The following ANO10 variants were observed in gnomAD, a reference collection of about 807,000 sequenced individuals.
ANO10 encodes anoctamin-10.
Under a neutral mutation model 74.7 loss-of-function variants are expected in ANO10, and 77 were observed. That is an observed-to-expected ratio of 1.03 (90% CI 0.86 to 1.25). ANO10 has a LOEUF of 1.25. ANO10 is among the 50% of genes most tolerant of loss of function. ANO10 has a pLI of 0.00. For missense variants in ANO10, 721 were observed against 778.1 expected, an observed-to-expected ratio of 0.93 and a Z score of 0.87; for synonymous variants, 279 against 284.9, an observed-to-expected ratio of 0.98 and a Z score of 0.21.
chr3:43,514,571 G>C (rs1388948439), intron 11 of ANO10, among the ~76,000 whole-genome samples: 2 of 152,022 alleles, frequency 1.3e-5, no homozygotes, highest in East Asian at 1.9e-4. Flanking sequence ...AGAAAAAGTA[G>C]ACAAAAAAAG....
intron 11 of ANO10, among the ~76,000 whole-genome samples, chr3:43,467,076 C>T (rs1189640276): frequency 1.3e-5 from 2 of 152,070 alleles, no homozygotes; most frequent in Non-Finnish European, 2.9e-5. Flanking sequence ...GCTAAAAAAA[C>T]TAAAAACTGA....
chr3:43,663,905 T>A (rs569429354), intron 1 of ANO10, among the ~76,000 whole-genome samples: 58 of 152,106 alleles, frequency 3.8e-4, no homozygotes, highest in Non-Finnish European at 6.2e-4. Flanking sequence ...TGGAAAAACA[T>A]CCCATGCTCA....
At chr3:43,690,613 A>T (rs1221014059) in intron 1 of ANO10, 1 of 228,282 alleles carries the variant, frequency 4.4e-6, no homozygotes, top group Non-Finnish European at 8.5e-6. Context: ...GACCGGACGC[A>T]CCTCCGTCCC....
intron 12 of ANO10, among the ~76,000 whole-genome samples, chr3:43,380,324 C>T (rs1459170722): frequency 6.6e-6 from 1 of 152,142 alleles, no homozygotes; most frequent in Non-Finnish European, 1.5e-5. Context: ...ATACAAGAAG[C>T]TCAAAGAACA....
In ANO10 at chr3:43,689,917, AC is replaced by A. The variant is rs2084330599; in HGVS notation, c.-12+1599del. Among the ~76,000 whole-genome samples the A allele has an allele frequency of 2.6e-5, 4 of 152,198 alleles. 1 individual carries two copies. The South Asian group carries it at 8.3e-4, about 31-fold the overall frequency. On this transcript the variant is annotated intron_variant, in intron 1 of 3. Coordinates refer to the ANO10 transcript ENST00000413397. Reference sequence around the variant, plus strand: ...TGAGCCCATAGTAGACACACACCAAACATAAATGGATGAGTAGTAGTGGGTG... The same window carrying A: ...TGAGCCCATAGTAGACACACACCAAAATAAATGGATGAGTAGTAGTGGGTG...
intron 11 of ANO10, among the ~76,000 whole-genome samples, chr3:43,536,212 A>G (rs1305621352): frequency 6.6e-6 from 1 of 152,232 alleles, no homozygotes; most frequent in Non-Finnish European, 1.5e-5. Flanking sequence ...ATTTCTTTAA[A>G]AAGTACCAAA....
At chr3:43,480,263 G>A (rs147233927) in intron 11 of ANO10, among the ~76,000 whole-genome samples, 1 of 152,134 alleles carries the variant, frequency 6.6e-6, no homozygotes, top group African/African-American at 2.4e-5. Flanking sequence ...CAGAGGGCCA[G>A]AAATAAAGAT....
At chr3:43,469,199 T>C (rs187999266) in intron 11 of ANO10, among the ~76,000 whole-genome samples, 16 of 151,480 alleles carry the variant, frequency 1.1e-4, no homozygotes, top group Admixed American at 3.3e-4. Flanking sequence ...CACACAACCA[T>C]GCCCGGCTAA....
intron 11 of ANO10, among the ~76,000 whole-genome samples, chr3:43,509,153 A>C (rs1163047633): frequency 6.7e-6 from 1 of 149,042 alleles, no homozygotes; most frequent in African/African-American, 2.5e-5. Context: ...TCAGTCATAC[A>C]TGGGAATTGA....
intron 12 of ANO10, among the ~76,000 whole-genome samples, chr3:43,405,056 A>G (rs986638376): frequency 1.7e-4 from 26 of 152,344 alleles, no homozygotes; most frequent in African/African-American, 5.5e-4. Flanking sequence ...TTTGAAGTAA[A>G]CACAAATTTA....
At chr3:43,601,269 G>A (rs559613771) in intron 2 of ANO10, among the ~76,000 whole-genome samples, 45 of 152,232 alleles carry the variant, frequency 3.0e-4, no homozygotes, top group Middle Eastern at 3.4e-3. Flanking sequence ...ACGGTGGCAC[G>A]ATCTTGGCTC....
At chr3:43,453,254 CT>C (rs1225710757) in intron 11 of ANO10, among the ~76,000 whole-genome samples, 2 of 149,228 alleles carry the variant, frequency 1.3e-5, no homozygotes, top group African/African-American at 4.9e-5. Flanking sequence ...TCTTGGCTCA[CT>C]TGCAAGCTCC....
chr3:43,452,447 G>A (rs1159581728), intron 11 of ANO10, among the ~76,000 whole-genome samples: 1 of 152,142 alleles, frequency 6.6e-6, no homozygotes, highest in Non-Finnish European at 1.5e-5. Flanking sequence ...CCTTTGTGAT[G>A]GGCTTCCTTC....
chr3:43,568,018 G>A (rs1172065528), intron 7 of ANO10, among the ~76,000 whole-genome samples: 3 of 151,542 alleles, frequency 2.0e-5, no homozygotes, highest in Non-Finnish European at 3.0e-5. Flanking sequence ...AACAAAAAAA[G>A]GCAGGGGTTG....
At chr3:43,580,589 T>C (rs938528412) in intron 4 of ANO10, 117 bp from the exon 5 acceptor site, 1 of 1,209,632 alleles carries the variant, frequency 8.3e-7, no homozygotes, top group Non-Finnish European at 1.2e-6. Context: ...GTCAATGTCA[T>C]ACTGCCTACT....
chr3:43,612,523 A>G (rs1353746939), intron 1 of ANO10, among the ~76,000 whole-genome samples: 1 of 152,104 alleles, frequency 6.6e-6, no homozygotes, highest in Non-Finnish European at 1.5e-5. Flanking sequence ...TCAGTCACTT[A>G]AGGCTTAAAG....
intron 1 of ANO10, among the ~76,000 whole-genome samples, chr3:43,620,726 C>T (rs1414360317): frequency 6.6e-6 from 1 of 152,168 alleles, no homozygotes; most frequent in East Asian, 1.9e-4. Flanking sequence ...CATTGTGCCA[C>T]TGCACTCCAG....
At chr3:43,578,681 T>TG (rs2081122877) in intron 5 of ANO10, among the ~76,000 whole-genome samples, 2 of 133,196 alleles carry the variant, frequency 1.5e-5, no homozygotes, top group South Asian at 4.7e-4. Context: ...ACCTGGGAAG[T>TG]GGAGATTGCA....
intron 11 of ANO10, among the ~76,000 whole-genome samples, chr3:43,471,609 G>A (rs964980817): frequency 3.9e-5 from 6 of 151,958 alleles, no homozygotes; most frequent in African/African-American, 1.2e-4. Flanking sequence ...AGTGACAGAG[G>A]AGCAAGTATT....
Sources: gnomAD v4.1 joint callset for allele counts (sites outside exome capture counted in the v4.1 genomes callset) on GRCh38, gnomAD v4.1.1 for gene constraint, MANE v1.5 for transcripts, NCBI Gene and HGNC (gene_info 2026-07-23, HGNC 2026-07-21) for gene names.